PRDM10: variants seen among roughly 807,000 people sequenced by gnomAD.
The protein encoded by PRDM10 is PR/SET domain 10.
In PRDM10, 65 loss-of-function variants were observed where a neutral mutation model predicts 133.1. The observed-to-expected ratio is 0.49, with a 90% CI of 0.40 to 0.60. The LOEUF (loss-of-function observed/expected upper bound fraction) is 0.60. PRDM10 is among the 20% of genes least tolerant of loss of function. The pLI is 0.00. For synonymous variants in PRDM10, 582 were observed against 580.4 expected, an observed-to-expected ratio of 1.00 and a Z score of -0.04; for missense variants, 1,137 against 1,507.1, an observed-to-expected ratio of 0.75 and a Z score of 4.07.
rs1314016482 is a variant in PRDM10 at position 129,960,930 on chromosome 11, G to A, written c.35C>T (p.Pro12Leu). Residue 12 changes from proline (P) to leucine (L), a missense_variant, in exon 2 of 21, where the codon CCG becomes CTG. Physicochemically the swap from Pro to Leu is moderately conservative, Grantham distance 98. This residue lies in a region of PRDM10 where 635 missense variants were observed against 835.2 expected (regional missense o/e 0.76). Coordinates refer to ENST00000360871, the MANE Select transcript of PRDM10 (RefSeq NM_199437.2). ...DSKDESSHVW[P>L]TSAEHEQNAA... ...ATTCTGTTCATGCTCTGCAGATGTCGGCCACACATGCGAGCTTTCATCTTT... is the reference window on the plus strand; with the variant it reads ...ATTCTGTTCATGCTCTGCAGATGTCAGCCACACATGCGAGCTTTCATCTTT... 4.3e-6 allele frequency: 7 copies of A among 1,613,936 alleles called. No individual in the cohort carries two copies. Among genetic ancestry groups the A allele is most frequent in the Middle Eastern group, 1.6e-4 (1 of 6,062 alleles).
intron 4 of PRDM10, among the ~76,000 whole-genome samples, chr11:129,948,588 T>C (rs1165100108): frequency 2.0e-5 from 3 of 152,178 alleles, no homozygotes; most frequent in Non-Finnish European, 4.4e-5. Context: ...TCTGAAATAG[T>C]TCTATGACAA....
intron 9 of PRDM10, among the ~76,000 whole-genome samples, chr11:129,934,813 G>C (rs1419832103): frequency 6.6e-6 from 1 of 152,148 alleles, no homozygotes; most frequent in Non-Finnish European, 1.5e-5. Context: ...TATTTTAAAG[G>C]TATGTCCTAT....
At position 129,925,074 on chromosome 11, in the gene PRDM10, G is replaced by A. The variant is rs1186130088; in HGVS notation, c.1686C>T (p.Asn562=). ...GNCPLTCDLC[N]KGFISSTSLE... is the part of the protein sequence containing the mutation. ...AGGATGTGCTGCTGATGAAGCCCTT[G>A]TTACAGAGATCACAGGTCAGTGGGC... Residue 562 remains asparagine, a synonymous_variant, in exon 12 of 21, where the codon AAC becomes AAT. Transcript: ENST00000360871. 2 of 1,614,218 alleles carry A rather than the reference G, an allele frequency of 1.2e-6. No individual in the cohort carries two copies.
chr11:129,947,564 T>C lies in PRDM10; in HGVS notation c.295-194A>G. ...CTGGCTTCATTTTTGATCTGACTGC[T>C]CACAGCCTTTAAGCCTCTGCCCTCC... is the stretch of plus-strand genomic sequence containing the variant. On this transcript the variant is annotated intron_variant, in intron 4 of 20. Coordinates refer to ENST00000360871, the MANE Select transcript of PRDM10 (RefSeq NM_199437.2). This position sits in a 1 kb window ranked among gnomAD's most constrained non-coding sequence, Gnocchi z 4.6. 1 of 1,446,008 alleles carries C rather than the reference T, an allele frequency of 6.9e-7. No homozygotes were observed. The highest frequency in any genetic ancestry group is 1.4e-5 in the African/African-American group (1 of 70,256). The allele number at this position is 1,446,008 out of a possible 1,614,324, so 89.6% of individuals were successfully genotyped here. A position where few individuals can be genotyped will look rare whatever the true frequency, so the allele number is the denominator to read the frequency against.
Position 129,947,475 on chromosome 11 carries a change from T to A in PRDM10, c.295-105A>T, listed in dbSNP as rs1458834562. On this transcript the variant is annotated intron_variant, in intron 4 of 20. Transcript: ENST00000360871. The surrounding 1 kb of genome is among the most constrained non-coding windows in gnomAD (Gnocchi z 4.6). ...GGCGCAAGGGCTGGCTGAAATCTAG[T>A]CTTCCTACCAACTCCTTCCAGGCCC... 6.4e-7 allele frequency: 1 copy of A among 1,562,490 alleles called. No individual in the cohort carries two copies. Among genetic ancestry groups the A allele is most frequent in the African/African-American group, 1.4e-5 (1 of 73,536 alleles).
intron 1 of PRDM10, among the ~76,000 whole-genome samples, chr11:129,986,821 A>G (rs1938463515): frequency 6.6e-6 from 1 of 152,248 alleles, no homozygotes; most frequent in Non-Finnish European, 1.5e-5. Flanking sequence ...ACATGGTTAC[A>G]GCAGGACCAA....
At chr11:129,990,085 C>T (rs1938645577) in intron 1 of PRDM10, among the ~76,000 whole-genome samples, 1 of 152,014 alleles carries the variant, frequency 6.6e-6, no homozygotes, top group African/African-American at 2.4e-5. Context: ...GTGGCTCACA[C>T]CTGTAATCCC....
rs550940114 is a variant in PRDM10, at chr11:129,925,234, A to G, written c.1531-5T>C. The stretch of plus-strand genomic sequence containing the variant: ...CAGATGCTGAAGAGCTGCATTCTGA[A>G]AGACATACACAAATGTGATCATTTA... On this transcript the variant is annotated splice_polypyrimidine_tract_variant and splice_region_variant and intron_variant, in intron 11 of 20. Transcript: ENST00000360871. 1 of 1,599,778 alleles carries G rather than the reference A, an allele frequency of 6.3e-7. No individual in the cohort carries two copies. Among genetic ancestry groups the G allele is most frequent in the Non-Finnish European group, 8.5e-7 (1 of 1,173,356 alleles).
intron 4 of PRDM10, among the ~76,000 whole-genome samples, chr11:129,953,823 T>C (rs1209236095): frequency 1.2e-5 from 1 of 80,908 alleles, no homozygotes; most frequent in African/African-American, 6.5e-5. Flanking sequence ...TTCTTTATAG[T>C]AGCAAAAAAA....
intron 1 of PRDM10, among the ~76,000 whole-genome samples, chr11:129,984,311 T>TA (rs948609450): frequency 3.1e-4 from 47 of 152,198 alleles, no homozygotes; most frequent in Non-Finnish European, 2.8e-4. Flanking sequence ...TTTATTAGAA[T>TA]AAAAAACTGT....
intron 7 of PRDM10, among the ~76,000 whole-genome samples, chr11:129,939,470 T>G (rs2135849605): frequency 6.6e-6 from 1 of 152,334 alleles, no homozygotes; most frequent in South Asian, 2.1e-4. Flanking sequence ...CCCTGATCAA[T>G]TCCAAGGTGT....
rs768544814 is a variant in PRDM10 at position 129,957,878 on chromosome 11, A to T, written c.102T>A (p.Ala34=). The T allele has an allele frequency of 8.1e-6, 13 of 1,613,616 alleles. No individual in the cohort carries two copies. Among genetic ancestry groups the T allele is most frequent in the Non-Finnish European group, 9.3e-6 (11 of 1,179,822 alleles). ...CCTGGTCATCGGTATAGACAATCTG[A>T]GCCACTGTTCCTGTGTCCGGAACAA... ...VHFVPDTGTV[A]QIVYTDDQVR... The change falls in exon 3 of 21, where the codon GCT becomes GCA. Residue 34 remains alanine, a synonymous_variant. Coordinates refer to ENST00000360871, the MANE Select transcript of PRDM10 (RefSeq NM_199437.2).
chr11:129,969,125 G>A (rs369080052), intron 1 of PRDM10, among the ~76,000 whole-genome samples: 1 of 152,198 alleles, frequency 6.6e-6, no homozygotes, highest in African/African-American at 2.4e-5. Context: ...CTGACCCAGA[G>A]ACTCTGGCCT....
rs540523729 is a variant in PRDM10 at position 129,940,543 on chromosome 11, T to C, written c.966+1883A>G. On this transcript the variant is annotated intron_variant, in intron 7 of 20. Coordinates refer to ENST00000360871, the MANE Select transcript of PRDM10 (RefSeq NM_199437.2). ...ATAGTTATTTTGACGGTTTTAAAAA[T>C]TATTAATGTTGAAAAATTTTTTTAA... 3.1e-3 allele frequency among the ~76,000 whole-genome samples: 466 copies of C among 152,344 alleles called. 5 individuals carry two copies. Among genetic ancestry groups the C allele is most frequent in the Non-Finnish European group, 4.3e-3 (291 of 68,034 alleles).
intron 1 of PRDM10, among the ~76,000 whole-genome samples, chr11:129,965,789 CT>C (rs574027869): frequency 1.1e-3 from 162 of 152,048 alleles, no homozygotes; most frequent in African/African-American, 3.6e-3. Context: ...CTTCTTGCAG[CT>C]TCTAGTCTAG....
intron 1 of PRDM10, among the ~76,000 whole-genome samples, chr11:129,965,821 A>G (rs7933809): frequency 0.21 from 31,843 of 151,992 alleles, 6,377 homozygotes; most frequent in East Asian, 0.51. Context: ...CCTGAACAGC[A>G]TTGTACAGTA....
At chr11:129,920,321 C>T (rs954400994) in intron 13 of PRDM10, among the ~76,000 whole-genome samples, 2 of 152,156 alleles carry the variant, frequency 1.3e-5, no homozygotes, top group Admixed American at 1.3e-4. Flanking sequence ...TATCTGCCCC[C>T]ACTCCTTCTG....
At chr11:129,991,024 A>T (rs1011524246) in intron 1 of PRDM10, among the ~76,000 whole-genome samples, 8 of 152,286 alleles carry the variant, frequency 5.3e-5, no homozygotes, top group Middle Eastern at 3.4e-3. Context: ...TAGGATTCAA[A>T]GGTACCTTCC....
rs777428113 is a variant in PRDM10 at position 129,957,928 on chromosome 11, CAAAG to C, written c.70-22_70-19del. 1 of 1,597,732 alleles carries C rather than the reference CAAAG, an allele frequency of 6.3e-7. No individual in the cohort carries two copies. Among genetic ancestry groups the C allele is most frequent in the Non-Finnish European group, 8.5e-7 (1 of 1,170,884 alleles). ...AAGTGCACCTGGCATAAACAGGAGA[CAAAG>C]AACAAAATCAGTATCAGGAAGGTAA... is the stretch of plus-strand genomic sequence containing the variant. On this transcript the variant is annotated intron_variant, in intron 2 of 20. Transcript: ENST00000360871.
Sources: allele counts gnomAD v4.1 joint callset (sites outside exome capture counted in the v4.1 genomes callset), GRCh38; gene constraint gnomAD v4.1.1; regional missense constraint gnomAD v4.1.1; non-coding constraint Gnocchi (gnomAD v3.1); transcripts MANE v1.5; gene names NCBI Gene and HGNC (gene_info 2026-07-23, HGNC 2026-07-21).